Variants in SPAG16 observed in about 807,000 individuals in gnomAD.
SPAG16 encodes the protein sperm-associated antigen 16 protein.
A neutral mutation model predicts 80.4 loss-of-function variants in SPAG16; 86 were observed. The observed-to-expected ratio is 1.07, with a 90% CI of 0.90 to 1.28. The LOEUF is 1.28. SPAG16 is among the 50% of genes most tolerant of loss of function. The probability of loss-of-function intolerance (pLI) is 0.00; values close to 1 mark genes in which losing one functional copy is unlikely to be tolerated. For synonymous variants in SPAG16, 294 were observed against 265.9 expected, an observed-to-expected ratio of 1.11 and a Z score of -1.03; for missense variants, 870 against 765.3, an observed-to-expected ratio of 1.14 and a Z score of -1.61.
At chr2:213,527,792 A>C (rs980212825) in intron 10 of SPAG16, among the ~76,000 whole-genome samples, 6 of 152,312 alleles carry the variant, frequency 3.9e-5, no homozygotes, top group African/African-American at 1.4e-4. Context: ...TATACAGAAA[A>C]ACATGCAACA....
chr2:214,070,383 G>A (rs999196067), intron 13 of SPAG16, among the ~76,000 whole-genome samples: 7 of 151,982 alleles, frequency 4.6e-5, no homozygotes, highest in Admixed American at 3.9e-4. Flanking sequence ...ATGGTATGGA[G>A]TAGATCTTTA....
intron 13 of SPAG16, among the ~76,000 whole-genome samples, chr2:214,085,062 A>G (rs149626949): frequency 9.8e-5 from 15 of 152,336 alleles, no homozygotes; most frequent in East Asian, 9.6e-4. Flanking sequence ...TCAGTCTTTA[A>G]TAAGAACTAG....
At chr2:214,381,204 G>A (rs531964845) in intron 15 of SPAG16, among the ~76,000 whole-genome samples, 10 of 152,146 alleles carry the variant, frequency 6.6e-5, no homozygotes, top group Admixed American at 3.3e-4. Context: ...CAAAGCATGC[G>A]CCTTCTCTAA....
At chr2:213,577,357 T>A (rs571404960) in intron 10 of SPAG16, among the ~76,000 whole-genome samples, 1 of 152,296 alleles carries the variant, frequency 6.6e-6, no homozygotes, top group South Asian at 2.1e-4. Context: ...TGGCAGATGC[T>A]TATTTTTCTC....
intron 14 of SPAG16, among the ~76,000 whole-genome samples, chr2:214,112,722 G>C (rs947444538): frequency 1.3e-5 from 2 of 148,728 alleles, no homozygotes; most frequent in African/African-American, 4.9e-5. Context: ...TGTCTCTGCA[G>C]GTGAGATGGG....
At chr2:214,384,325 A>T (rs1700628096) in intron 15 of SPAG16, among the ~76,000 whole-genome samples, 1 of 152,172 alleles carries the variant, frequency 6.6e-6, no homozygotes, top group East Asian at 1.9e-4. Context: ...TACTGTTGGT[A>T]CTTATTAGCA....
At chr2:213,613,672 G>C (rs1201081645) in intron 10 of SPAG16, among the ~76,000 whole-genome samples, 1 of 151,988 alleles carries the variant, frequency 6.6e-6, no homozygotes, top group Non-Finnish European at 1.5e-5. Context: ...ATATTTTTTA[G>C]TTAGGTTTAT....
chr2:214,165,359 T>C (rs2056603982), intron 15 of SPAG16, among the ~76,000 whole-genome samples: 1 of 151,894 alleles, frequency 6.6e-6, no homozygotes, highest in Non-Finnish European at 1.5e-5. Context: ...TGCATACCCG[T>C]TTATAGGTTT....
At chr2:214,101,307 GTC>G (rs1224124799) in intron 13 of SPAG16, among the ~76,000 whole-genome samples, 30 of 151,604 alleles carry the variant, frequency 2.0e-4, no homozygotes, top group Non-Finnish European at 3.5e-4. Context: ...CAACATGTGT[GTC>G]CTGCTTCAGT....
At chr2:214,218,840 T>A (rs2058496647) in intron 15 of SPAG16, among the ~76,000 whole-genome samples, 1 of 152,194 alleles carries the variant, frequency 6.6e-6, no homozygotes, top group Admixed American at 6.5e-5. Flanking sequence ...TAGCTGACTC[T>A]CAGCACCTCC....
intron 15 of SPAG16, among the ~76,000 whole-genome samples, chr2:214,407,002 A>C (rs1702031182): frequency 6.6e-6 from 1 of 152,072 alleles, no homozygotes; most frequent in Non-Finnish European, 1.5e-5. Context: ...TTCTCCCTAG[A>C]CTGTTTATTT....
At chr2:213,940,265 A>G (rs1487244258) in intron 12 of SPAG16, among the ~76,000 whole-genome samples, 2 of 152,158 alleles carry the variant, frequency 1.3e-5, no homozygotes, top group Non-Finnish European at 2.9e-5. Context: ...ATTTCATTGC[A>G]TATTTTTCTA....
intron 15 of SPAG16, among the ~76,000 whole-genome samples, chr2:214,272,278 CTT>C (rs552305659): frequency 8.6e-5 from 13 of 151,734 alleles, no homozygotes; most frequent in East Asian, 3.9e-4. Context: ...ATTTATGTCT[CTT>C]ATATCTGTAT....
At chr2:213,878,304 A>G (rs1305796462) in intron 11 of SPAG16, among the ~76,000 whole-genome samples, 1 of 152,156 alleles carries the variant, frequency 6.6e-6, no homozygotes, top group Non-Finnish European at 1.5e-5. Flanking sequence ...CCAATAGTGT[A>G]TAAGCATTTC....
At chr2:214,283,042 A>G (rs1347430367) in intron 15 of SPAG16, among the ~76,000 whole-genome samples, 1 of 152,098 alleles carries the variant, frequency 6.6e-6, no homozygotes, top group Non-Finnish European at 1.5e-5. Flanking sequence ...ACAGCAACCA[A>G]TACTCTAAAA....
chr2:213,911,516 A>G (rs16851079), intron 11 of SPAG16, among the ~76,000 whole-genome samples: 36,382 of 152,180 alleles, frequency 0.24, 4,952 homozygotes, highest in South Asian at 0.37. Context: ...CATGAAGAGC[A>G]TGTAATACGT....
intron 11 of SPAG16, among the ~76,000 whole-genome samples, chr2:213,869,783 G>T (rs1031732514): frequency 6.6e-6 from 1 of 151,824 alleles, no homozygotes; most frequent in Non-Finnish European, 1.5e-5. Context: ...AACCTTGCAA[G>T]TATTAATTTT....
At chr2:213,726,489 C>G (rs2066775493) in intron 10 of SPAG16, among the ~76,000 whole-genome samples, 1 of 152,092 alleles carries the variant, frequency 6.6e-6, no homozygotes, top group African/African-American at 2.4e-5. Context: ...TTATTAGTTG[C>G]CAAACCTTGC....
At chr2:213,689,942 A>G (rs1166647479) in intron 10 of SPAG16, among the ~76,000 whole-genome samples, 1 of 152,086 alleles carries the variant, frequency 6.6e-6, no homozygotes, top group Non-Finnish European at 1.5e-5. Flanking sequence ...TCTGGTTTTT[A>G]CATCCTCTGA....
Sources: allele counts gnomAD v4.1 joint callset (sites outside exome capture counted in the v4.1 genomes callset), GRCh38; gene constraint gnomAD v4.1.1; transcripts MANE v1.5; gene names NCBI Gene and HGNC (gene_info 2026-07-23, HGNC 2026-07-21).